Variants in ETV6 observed in about 807,000 individuals in gnomAD.
ETV6 encodes ETS variant transcription factor 6, also known as transcription factor ETV6.
In ETV6, 16 loss-of-function variants were observed where a neutral mutation model predicts 51.1. The observed-to-expected ratio is 0.31, with a 90% confidence interval of 0.21 to 0.48. ETV6 has a LOEUF of 0.48. ETV6 is among the 20% of genes least tolerant of loss of function. The pLI is 0.99. For missense variants in ETV6, 458 were observed against 594.8 expected (o/e 0.77, Z 2.39); for synonymous variants, 240 against 224.1 (o/e 1.07, Z -0.64).
chr12:11,758,690 T>A (rs1300074760), intron 2 of ETV6, among the ~76,000 whole-genome samples: 2 of 152,184 alleles, frequency 1.3e-5, no homozygotes, highest in African/African-American at 4.8e-5. Flanking sequence ...TCCTCCCCTG[T>A]CCTTTGCTAT....
In ETV6 at chr12:11,764,511, A is replaced by T. The variant is rs374174646; in HGVS notation, c.163+11932A>T. Reference sequence around the variant, plus strand: ...CTGCATTTCTTTGACAGGAGTAGTGAATTTGGGAGTATAAATCTGAATCCT... The same window carrying T: ...CTGCATTTCTTTGACAGGAGTAGTGTATTTGGGAGTATAAATCTGAATCCT... On this transcript the variant is annotated intron_variant, in intron 2 of 7. Coordinates refer to ENST00000396373, the MANE Select transcript of ETV6 (RefSeq NM_001987.5). Among the ~76,000 whole-genome samples the T allele has an allele frequency of 7.2e-5, 11 of 152,306 alleles. No individual in the cohort carries two copies. The East Asian group carries it at 2.1e-3, about 29-fold the overall frequency.
At chr12:11,871,289 C>T (rs1946877962) in intron 5 of ETV6, among the ~76,000 whole-genome samples, 1 of 150,670 alleles carries the variant, frequency 6.6e-6, no homozygotes, top group Non-Finnish European at 1.5e-5. Context: ...CCCGGGTTCA[C>T]GTCATTCTCC....
intron 2 of ETV6, among the ~76,000 whole-genome samples, chr12:11,819,060 T>C (rs914754988): frequency 2.0e-5 from 3 of 152,182 alleles, no homozygotes; most frequent in African/African-American, 7.2e-5. Flanking sequence ...CATTTGCACC[T>C]AGTTCCATTC....
chr12:11,752,808 T>TAAA (rs368540572), intron 2 of ETV6: 42 of 378,664 alleles, frequency 1.1e-4, no homozygotes, highest in Middle Eastern at 7.3e-4. Context: ...TATGACATGT[T>TAAA]AAAAAAAAAA....
chr12:11,751,433 C>CTTT (rs1382227952), intron 1 of ETV6: 3 of 518,948 alleles, frequency 5.8e-6, no homozygotes, highest in Non-Finnish European at 1.2e-5. Flanking sequence ...CCAGTTAAAC[C>CTTT]ACAGACACTC....
intron 2 of ETV6, among the ~76,000 whole-genome samples, chr12:11,819,931 G>A (rs1946051955): frequency 6.6e-6 from 1 of 152,184 alleles, no homozygotes; most frequent in Non-Finnish European, 1.5e-5. Flanking sequence ...ATTCTTCAGT[G>A]ACTCCTTGTA....
chr12:11,807,544 A>G (rs2136413466), intron 2 of ETV6, among the ~76,000 whole-genome samples: 1 of 152,330 alleles, frequency 6.6e-6, no homozygotes, highest in East Asian at 1.9e-4. Flanking sequence ...CAAAAATGAA[A>G]GTTTTTTTCA....
At chr12:11,704,351 C>CT (rs1409231628) in intron 1 of ETV6, among the ~76,000 whole-genome samples, 26 of 151,840 alleles carry the variant, frequency 1.7e-4, no homozygotes, top group Non-Finnish European at 2.9e-4. Flanking sequence ...TTTACAAGGC[C>CT]TTTTTTTCTT....
In ETV6 at chr12:11,872,924, G is replaced by A. The variant is rs556425912; in HGVS notation, c.1009+2955G>A. Among the ~76,000 whole-genome samples, 29 of 152,176 alleles carry A rather than the reference G, an allele frequency of 1.9e-4. No homozygotes were observed. The South Asian group carries it at 4.6e-3, about 24-fold the overall frequency. On this transcript the variant is annotated intron_variant, in intron 5 of 7. Transcript: ENST00000396373. The stretch of plus-strand genomic sequence containing the variant: ...TGAGCCTGGGTGTCTATGGGTGCCC[G>A]CTCTCTCAAGGGCACACAGAAATAG...
At chr12:11,854,157 C>T (rs530151432) in intron 4 of ETV6, among the ~76,000 whole-genome samples, 1 of 152,176 alleles carries the variant, frequency 6.6e-6, no homozygotes, top group East Asian at 1.9e-4. Context: ...CCATTAGATT[C>T]CCGTAAGGAG....
At chr12:11,881,558 C>T (rs1204142028) in intron 5 of ETV6, among the ~76,000 whole-genome samples, 6 of 152,194 alleles carry the variant, frequency 3.9e-5, no homozygotes, top group Non-Finnish European at 2.9e-5. Context: ...GCTGTGTCTT[C>T]ACTTGGTGGA....
At chr12:11,837,663 C>T (rs965533747) in intron 2 of ETV6, among the ~76,000 whole-genome samples, 3 of 152,222 alleles carry the variant, frequency 2.0e-5, no homozygotes, top group Non-Finnish European at 4.4e-5. Context: ...TTATAACACA[C>T]TTGTGAAGTC....
In ETV6 at chr12:11,685,536, ACTT is replaced by A. The variant is rs534363256; in HGVS notation, c.33+35383_33+35385del. On this transcript the variant is annotated intron_variant, in intron 1 of 7. Transcript: ENST00000396373. ...CTTTTTTTTCTAATGACTTTTTAAT[ACTT>A]CTTCTTATCTGAGTAAAAACCAGGA... Among the ~76,000 whole-genome samples the A allele has an allele frequency of 1.7e-3, 257 of 152,114 alleles. 1 individual carries two copies. Among genetic ancestry groups the A allele is most frequent in the African/African-American group, 5.6e-3 (232 of 41,512 alleles).
chr12:11,740,694 C>T (rs1208188589), intron 1 of ETV6, among the ~76,000 whole-genome samples: 1 of 152,042 alleles, frequency 6.6e-6, no homozygotes, highest in Non-Finnish European at 1.5e-5. Context: ...TTTCCAGAGG[C>T]TTTTAAAAAA....
intron 2 of ETV6, among the ~76,000 whole-genome samples, chr12:11,796,122 A>G (rs1591679846): frequency 6.6e-6 from 1 of 152,210 alleles, no homozygotes; most frequent in East Asian, 1.9e-4. Flanking sequence ...CACTTGACGT[A>G]GATAAAATAC....
intron 2 of ETV6, among the ~76,000 whole-genome samples, chr12:11,821,052 C>T (rs750384062): frequency 1.6e-4 from 25 of 152,022 alleles, no homozygotes; most frequent in Admixed American, 5.9e-4. Context: ...ACCAATGGAC[C>T]AGAAGGGGGT....
At chr12:11,870,115 G>A in intron 5 of ETV6, 146 bp downstream of exon 5, 1 of 911,070 alleles carries the variant, frequency 1.1e-6, no homozygotes, top group Non-Finnish European at 1.6e-6. Context: ...GCTTCTGCTT[G>A]GATGAGGCTA....
intron 5 of ETV6, among the ~76,000 whole-genome samples, chr12:11,882,748 G>A (rs1947118414): frequency 7.3e-6 from 1 of 137,794 alleles, no homozygotes; most frequent in Non-Finnish European, 1.6e-5. Context: ...GCGTGTCCAG[G>A]GTGGCCCAAC....
At chr12:11,731,014 A>T (rs1865585728) in intron 1 of ETV6, among the ~76,000 whole-genome samples, 1 of 152,152 alleles carries the variant, frequency 6.6e-6, no homozygotes. Context: ...CCTCCAGTGT[A>T]GTTGGTGACC....
Sources: gnomAD v4.1 joint callset for allele counts (sites outside exome capture counted in the v4.1 genomes callset) on GRCh38, gnomAD v4.1.1 for gene constraint, MANE v1.5 for transcripts, NCBI Gene and HGNC (gene_info 2026-07-23, HGNC 2026-07-21) for gene names.